The following MITF variants were observed in gnomAD, a reference collection of about 807,000 sequenced individuals.
The protein encoded by MITF is melanocyte inducing transcription factor.
In MITF, 17 loss-of-function variants were observed where a neutral mutation model predicts 60.5. The observed-to-expected ratio is 0.28, with a 90% CI of 0.19 to 0.42. The LOEUF (loss-of-function observed/expected upper bound fraction) is 0.42. Ranked by LOEUF, MITF falls within the 10% of genes least tolerant of loss-of-function variation. The pLI, the probability that MITF is intolerant of heterozygous loss-of-function variation, is 1.00. For synonymous variants in MITF, 260 were observed against 248.5 expected (o/e 1.05, Z -0.43); for missense variants, 622 against 683.5 (o/e 0.91, Z 1.00).
At chr3:69,829,696 A>ACC (rs1553685601) in intron 1 of MITF, among the ~76,000 whole-genome samples, 2 of 150,028 alleles carry the variant, frequency 1.3e-5, no homozygotes, top group South Asian at 2.1e-4. Context: ...ACACACACAC[A>ACC]CCAACTGTCA....
rs139681168 is a variant in MITF, at chr3:69,817,480, G to A, written c.105-61654G>A. On this transcript the variant is annotated intron_variant, in intron 1 of 9. Coordinates refer to ENST00000352241, the MANE Select transcript of MITF (RefSeq NM_001354604.2). Reference sequence around the variant, plus strand: ...CTCAGGTAAAATTTTAAAATATGTAGAACATTACTGTATACTCTGGATGGA... The same window carrying A: ...CTCAGGTAAAATTTTAAAATATGTAAAACATTACTGTATACTCTGGATGGA... 5.9e-5 allele frequency among the ~76,000 whole-genome samples: 9 copies of A among 151,978 alleles called. No individual in the cohort carries two copies. The East Asian group carries it at 1.7e-3, about 29-fold the overall frequency.
intron 1 of MITF, among the ~76,000 whole-genome samples, chr3:69,874,500 A>C (rs1038533662): frequency 6.6e-6 from 1 of 152,240 alleles, no homozygotes. Context: ...TCTATTAAAA[A>C]TTTTAATCCT....
intron 2 of MITF, among the ~76,000 whole-genome samples, chr3:69,917,977 A>G (rs1234539191): frequency 6.6e-6 from 1 of 152,140 alleles, no homozygotes; most frequent in East Asian, 1.9e-4. Flanking sequence ...TTTTTTTCTC[A>G]GCATGGGATT....
chr3:69,963,618 T>C (rs531321462), intron 9 of MITF, among the ~76,000 whole-genome samples: 1 of 152,320 alleles, frequency 6.6e-6, no homozygotes, highest in East Asian at 1.9e-4. Context: ...ACTGCACGAC[T>C]TCTAAAGTCT....
At chr3:69,938,978 T>C in intron 3 of MITF, 120 bp from the exon 4 acceptor site, 1 of 1,545,222 alleles carries the variant, frequency 6.5e-7, no homozygotes, top group South Asian at 1.2e-5. Flanking sequence ...TTGGTCAGAT[T>C]CCACTTTGTT....
At chr3:69,958,490 C>G (rs774312085) in intron 8 of MITF, among the ~76,000 whole-genome samples, 4 of 151,922 alleles carry the variant, frequency 2.6e-5, no homozygotes, top group Non-Finnish European at 5.9e-5. Flanking sequence ...TAATGACCCT[C>G]CATTCACCGG....
chr3:69,790,571 A>G (rs551482692), intron 1 of MITF, among the ~76,000 whole-genome samples: 1 of 152,326 alleles, frequency 6.6e-6, no homozygotes, highest in Non-Finnish European at 1.5e-5. Flanking sequence ...GAGTATTTCA[A>G]CATCTTACTT....
chr3:69,917,872 G>A (rs2065372147), intron 2 of MITF, among the ~76,000 whole-genome samples: 1 of 151,972 alleles, frequency 6.6e-6, no homozygotes, highest in Non-Finnish European at 1.5e-5. Context: ...TTTTGAATAA[G>A]ACAACTTTTG....
intron 1 of MITF, among the ~76,000 whole-genome samples, chr3:69,749,548 A>G (rs1703851654): frequency 6.6e-6 from 1 of 152,212 alleles, no homozygotes; most frequent in Non-Finnish European, 1.5e-5. Context: ...AGTTAAGGTC[A>G]TTTACTTTCA....
intron 2 of MITF, among the ~76,000 whole-genome samples, chr3:69,897,076 T>G (rs191794277): frequency 1.3e-5 from 2 of 152,172 alleles, no homozygotes; most frequent in Admixed American, 6.5e-5. Flanking sequence ...TAGGAGGGTA[T>G]TGGGAACTGA....
At chr3:69,862,480 A>T (rs1274110975) in intron 1 of MITF, among the ~76,000 whole-genome samples, 1 of 152,360 alleles carries the variant, frequency 6.6e-6, no homozygotes, top group African/African-American at 2.4e-5. Context: ...CAAAAGAAAG[A>T]ATATAAGAAA....
At position 69,951,898 on chromosome 3, in the gene MITF, T is replaced by G; in HGVS notation, c.955+12T>G. Reference sequence around the variant, plus strand: ...CAATCACAACCTGAGTAAGTTGGTTTTATTTATGTTCATGACATTTGATAT... The same window carrying G: ...CAATCACAACCTGAGTAAGTTGGTTGTATTTATGTTCATGACATTTGATAT... On this transcript the variant is annotated intron_variant, in intron 7 of 9. Coordinates refer to ENST00000352241, the MANE Select transcript of MITF (RefSeq NM_001354604.2). 1 of 1,594,040 alleles carries G rather than the reference T, an allele frequency of 6.3e-7. No individual in the cohort carries two copies. Among genetic ancestry groups the G allele is most frequent in the Non-Finnish European group, 8.6e-7 (1 of 1,162,256 alleles).
chr3:69,810,763 A>G (rs1020121883), intron 1 of MITF, among the ~76,000 whole-genome samples: 4 of 152,196 alleles, frequency 2.6e-5, no homozygotes, highest in African/African-American at 9.7e-5. Flanking sequence ...TTTACGAAGC[A>G]TCTGCAGTGT....
intron 1 of MITF, among the ~76,000 whole-genome samples, chr3:69,796,494 CTTTTTTTTTTT>C (rs767834091): frequency 1.2e-5 from 1 of 80,312 alleles, no homozygotes; most frequent in East Asian, 2.8e-4. Flanking sequence ...CACCGTCTTT[CTTTTTTTTTTT>C]TTTTTTTTTT....
At chr3:69,795,038 G>A (rs1357231978) in intron 1 of MITF, among the ~76,000 whole-genome samples, 1 of 152,140 alleles carries the variant, frequency 6.6e-6, no homozygotes, top group Non-Finnish European at 1.5e-5. Context: ...TCCTAGGTGA[G>A]GATATGAGGA....
intron 1 of MITF, chr3:69,866,212 A>G: frequency 6.3e-7 from 1 of 1,599,708 alleles, no homozygotes. Flanking sequence ...AGCCACCCCT[A>G]GTGACACAGC....
chr3:69,966,471 A>T lies in MITF; in HGVS notation c.*1223A>T. The T allele has an allele frequency of 4.3e-6, 1 of 232,858 alleles. No homozygotes were observed. Among genetic ancestry groups the T allele is most frequent in the Non-Finnish European group, 8.5e-6 (1 of 117,558 alleles). 14.4% of individuals were successfully genotyped at this position (232,858 alleles called of 1,614,324 possible). A position where few individuals can be genotyped will look rare whatever the true frequency, so the allele number is the denominator to read the frequency against. On this transcript the variant is annotated 3_prime_UTR_variant, in exon 10 of 10. Coordinates refer to ENST00000352241, the MANE Select transcript of MITF (RefSeq NM_001354604.2). ...AAACTTACATATTTATTTTTAGGAC[A>T]TGAAAATAGCAATATTCTTGGAGAT...
intron 1 of MITF, among the ~76,000 whole-genome samples, chr3:69,873,665 T>C (rs1445808241): frequency 2.6e-5 from 4 of 152,212 alleles, no homozygotes; most frequent in Admixed American, 2.6e-4. Flanking sequence ...TTCAGACCTC[T>C]GGGAAGGCTG....
chr3:69,834,624 G>A (rs1158653426), intron 1 of MITF, among the ~76,000 whole-genome samples: 1 of 152,084 alleles, frequency 6.6e-6, no homozygotes, highest in African/African-American at 2.4e-5. Context: ...AAATAGTGCT[G>A]CAATAAACAT....
Sources: gnomAD v4.1 joint callset for allele counts (sites outside exome capture counted in the v4.1 genomes callset) on GRCh38, gnomAD v4.1.1 for gene constraint, MANE v1.5 for transcripts, NCBI Gene and HGNC (gene_info 2026-07-23, HGNC 2026-07-21) for gene names.